The following SSX2IP variants were observed in gnomAD, a reference collection of about 807,000 sequenced individuals.
SSX2IP encodes the protein SSX family member 2 interacting protein.
A neutral mutation model predicts 84.9 loss-of-function variants in SSX2IP; 55 were observed. That is an observed-to-expected ratio of 0.65 (90% CI 0.52 to 0.81). SSX2IP has a LOEUF of 0.81. Among genes scored for constraint, SSX2IP ranks in the 30% least tolerant of loss-of-function variants. The pLI is 0.00. For synonymous variants in SSX2IP, 239 were observed against 234.7 expected (o/e 1.02, Z -0.17); for missense variants, 664 against 705.2 (o/e 0.94, Z 0.66).
intron 1 of SSX2IP, among the ~76,000 whole-genome samples, chr1:84,684,162 T>C (rs570200627): frequency 2.6e-5 from 4 of 152,334 alleles, no homozygotes; most frequent in Non-Finnish European, 4.4e-5. Context: ...TTGGTTATAG[T>C]TGTCAACGTG....
At chr1:84,660,364 G>A (rs1036918167) in intron 8 of SSX2IP, among the ~76,000 whole-genome samples, 1 of 152,214 alleles carries the variant, frequency 6.6e-6, no homozygotes, top group Non-Finnish European at 1.5e-5. Flanking sequence ...TTTGCTAACT[G>A]AAATCTGATG....
At chr1:84,672,704 T>C (rs1653758533) in intron 1 of SSX2IP, among the ~76,000 whole-genome samples, 1 of 152,172 alleles carries the variant, frequency 6.6e-6, no homozygotes, top group Admixed American at 6.5e-5. Flanking sequence ...TTTAAGACTG[T>C]GGTAAAATAT....
rs962892083 is a variant in SSX2IP at position 84,646,559 on chromosome 1, T to C, written c.*874A>G. ...TAGATATCTTAAATATCTTCTATCA[T>C]CCAATATCTTAAACCAATTTCTTAA... On this transcript the variant is annotated 3_prime_UTR_variant, in exon 14 of 14. Coordinates refer to ENST00000342203, the MANE Select transcript of SSX2IP (RefSeq NM_001166293.2). The C allele has an allele frequency of 6.6e-6, 1 of 152,588 alleles. No individual in the cohort carries two copies. The highest frequency in any genetic ancestry group is 2.4e-5 in the African/African-American group (1 of 41,456). The allele number at this position is 152,588 out of a possible 1,614,324, so 9.5% of individuals were successfully genotyped here. A position where few individuals can be genotyped will look rare whatever the true frequency, so the allele number is the denominator to read the frequency against.
At chr1:84,662,564 C>A (rs1340244231) in intron 6 of SSX2IP, 34 bp from the exon 7 acceptor site, 4 of 1,606,644 alleles carry the variant, frequency 2.5e-6, no homozygotes, top group Non-Finnish European at 3.4e-6. Flanking sequence ...TAATTCTTAC[C>A]ATACATGCTT....
chr1:84,686,958 T>C (rs1389956883), intron 1 of SSX2IP, among the ~76,000 whole-genome samples: 2 of 152,122 alleles, frequency 1.3e-5, no homozygotes, highest in Non-Finnish European at 2.9e-5. Flanking sequence ...GAGGCTTTAT[T>C]AGACGCTCAT....
intron 1 of SSX2IP, among the ~76,000 whole-genome samples, chr1:84,677,453 CAAT>C (rs1339487854): frequency 6.6e-6 from 1 of 152,158 alleles, no homozygotes; most frequent in Admixed American, 6.5e-5. Flanking sequence ...CAATACACAA[CAAT>C]ACCTTGTAGA....
intron 11 of SSX2IP, chr1:84,655,515 C>T (rs1182396621): frequency 7.5e-7 from 1 of 1,335,028 alleles, no homozygotes; most frequent in African/African-American, 1.5e-5. Context: ...GACACCACAC[C>T]TACTGACCGT....
intron 1 of SSX2IP, among the ~76,000 whole-genome samples, chr1:84,673,372 A>T (rs915266530): frequency 3.3e-5 from 5 of 152,166 alleles, no homozygotes; most frequent in African/African-American, 1.2e-4. Context: ...AGATACAAAG[A>T]CTTATGATGG....
intron 2 of SSX2IP, 98 bp downstream of exon 2, chr1:84,671,079 T>C: frequency 5.8e-6 from 8 of 1,386,546 alleles, no homozygotes; most frequent in Non-Finnish European, 7.9e-6. Context: ...CTCTCTTTAG[T>C]CACATCTTCA....
At chr1:84,658,179 G>T in intron 9 of SSX2IP, 139 bp downstream of exon 9, 2 of 818,754 alleles carry the variant, frequency 2.4e-6, no homozygotes, top group Non-Finnish European at 1.9e-6. Flanking sequence ...ATAAATGTAT[G>T]CAAAATCTTG....
chr1:84,666,836 T>C (rs888072917), intron 4 of SSX2IP, among the ~76,000 whole-genome samples: 4 of 152,264 alleles, frequency 2.6e-5, no homozygotes, highest in East Asian at 3.9e-4. Flanking sequence ...TTTCAACTTA[T>C]CGCATCTGAG....
intron 1 of SSX2IP, chr1:84,690,034 C>G (rs1379559407): frequency 4.6e-5 from 7 of 152,400 alleles, no homozygotes; most frequent in Admixed American, 4.6e-4. Flanking sequence ...TGCTCGTCCC[C>G]CAACGCCGGG....
At position 84,655,899 on chromosome 1, in the gene SSX2IP, T is replaced by C. The variant is rs1379496010; in HGVS notation, c.1322A>G (p.Glu441Gly). The C allele has an allele frequency of 1.3e-5, 21 of 1,613,924 alleles. No homozygotes were observed. Among genetic ancestry groups the C allele is most frequent in the Admixed American group, 3.3e-5 (2 of 59,994 alleles). ...CTCCCTCTCAAAATTCTTTTTCTGC[T>C]CTTTAAAAAGGGACCATTCTTCTTT... is the stretch of plus-strand genomic sequence containing the variant. ...RLKEEWSLFK[E>G]QKKNFERERR... The change falls in exon 11 of 14, where the codon GAG becomes GGG. Residue 441 changes from glutamate (E) to glycine (G), a missense_variant. By Grantham distance (98) the Glu-to-Gly change is moderately conservative (BLOSUM62 -2). Transcript: ENST00000342203.
intron 11 of SSX2IP, chr1:84,655,537 G>A (rs1650952258): frequency 2.9e-6 from 4 of 1,360,392 alleles, no homozygotes; most frequent in Non-Finnish European, 2.9e-6. Flanking sequence ...GATGAATGAT[G>A]GATACCCAAA....
At chr1:84,684,064 A>G (rs1022220181) in intron 1 of SSX2IP, among the ~76,000 whole-genome samples, 18 of 152,238 alleles carry the variant, frequency 1.2e-4, no homozygotes, top group African/African-American at 3.6e-4. Context: ...AATAGCATCT[A>G]CTAAAGGCAT....
At chr1:84,658,237 A>G (rs771642351) in intron 9 of SSX2IP, 81 bp downstream of exon 9, 289 of 1,528,368 alleles carry the variant, frequency 1.9e-4, no homozygotes, top group Non-Finnish European at 2.5e-4. Flanking sequence ...CTGAGCCTAT[A>G]ATGCGGCTTT....
intron 4 of SSX2IP, among the ~76,000 whole-genome samples, chr1:84,667,147 A>G (rs895549654): frequency 2.0e-5 from 3 of 152,068 alleles, no homozygotes; most frequent in African/African-American, 4.8e-5. Context: ...TATGTAGCAT[A>G]TATGTCAAAT....
intron 11 of SSX2IP, chr1:84,655,481 AT>A (rs1650945064): frequency 1.5e-6 from 2 of 1,308,196 alleles, no homozygotes; most frequent in East Asian, 1.0e-4. Context: ...AACAGCAAAT[AT>A]AGTCTTGGTT....
chr1:84,682,781 G>A (rs1655258929), intron 1 of SSX2IP, among the ~76,000 whole-genome samples: 1 of 152,158 alleles, frequency 6.6e-6, no homozygotes, highest in Admixed American at 6.5e-5. Flanking sequence ...GATTACAGGT[G>A]TGAGCCATCA....
Sources: gnomAD v4.1 joint callset for allele counts (sites outside exome capture counted in the v4.1 genomes callset) on GRCh38, gnomAD v4.1.1 for gene constraint, MANE v1.5 for transcripts, NCBI Gene and HGNC (gene_info 2026-07-23, HGNC 2026-07-21) for gene names.